The following VPS13A variants were observed in gnomAD, a reference collection of about 807,000 sequenced individuals.
The protein encoded by VPS13A is intermembrane lipid transfer protein VPS13A.
Under a neutral mutation model 390.9 loss-of-function variants are expected in VPS13A, and 264 were observed. The ratio of observed to expected loss-of-function variants is 0.68; its 90% CI spans 0.61 to 0.75. The LOEUF (loss-of-function observed/expected upper bound fraction) is 0.75. Among genes scored for constraint, VPS13A ranks in the 30% least tolerant of loss-of-function variants. VPS13A has a pLI of 0.00. For missense variants in VPS13A, 3,409 were observed against 3,733.9 expected (o/e 0.91, Z 2.27); for synonymous variants, 1,231 against 1,227.1 (o/e 1.00, Z -0.07).
At chr9:77,271,944 G>A (rs942750918) in intron 23 of VPS13A, among the ~76,000 whole-genome samples, 4 of 152,142 alleles carry the variant, frequency 2.6e-5, no homozygotes, top group Non-Finnish European at 1.5e-5. Context: ...TGCTTGTAAT[G>A]TTTCATACTG....
At chr9:77,180,815 C>CT (rs1250813698) in intron 1 of VPS13A, among the ~76,000 whole-genome samples, 1 of 152,200 alleles carries the variant, frequency 6.6e-6, no homozygotes, top group Non-Finnish European at 1.5e-5. Flanking sequence ...GTCTTGATAA[C>CT]TGTGTCTTTG....
intron 71 of VPS13A, among the ~76,000 whole-genome samples, chr9:77,409,707 A>AGATGAAATG (rs1834821867): frequency 6.6e-6 from 1 of 151,200 alleles, no homozygotes; most frequent in South Asian, 2.1e-4. Flanking sequence ...CAGTGATGGA[A>AGATGAAATG]GATGAAATGA....
At chr9:77,237,540 T>A (rs374301531) in intron 17 of VPS13A, among the ~76,000 whole-genome samples, 1 of 152,050 alleles carries the variant, frequency 6.6e-6, no homozygotes, top group African/African-American at 2.4e-5. Flanking sequence ...AACTTTTGTA[T>A]TTTTAGTTGA....
chr9:77,394,125 T>C (rs1834021272), intron 68 of VPS13A, among the ~76,000 whole-genome samples: 1 of 152,118 alleles, frequency 6.6e-6, no homozygotes, highest in African/African-American at 2.4e-5. Context: ...AGTGCAGTGA[T>C]ATGGCCTTGG....
chr9:77,224,881 C>A (rs1823419658), intron 13 of VPS13A, among the ~76,000 whole-genome samples: 3 of 152,164 alleles, frequency 2.0e-5, no homozygotes, highest in Admixed American at 2.0e-4. Flanking sequence ...TGGCAAACTT[C>A]AGTTAAGAGA....
At position 77,238,198 on chromosome 9, in the gene VPS13A, A is replaced by AT; in HGVS notation, c.1785+14dup. 1 of 1,611,284 alleles carries AT rather than the reference A, an allele frequency of 6.2e-7. No individual in the cohort carries two copies. The highest frequency in any genetic ancestry group is 8.5e-7 in the Non-Finnish European group (1 of 1,177,698). ...AGAAATCATATATGATGCAGTAAGCATTTTTTTAAATTACTAAGTTTTAAT... is the reference window on the plus strand; with the variant it reads ...AGAAATCATATATGATGCAGTAAGCATTTTTTTTAAATTACTAAGTTTTAAT... On this transcript the variant is annotated splice_region_variant and intron_variant, in intron 18 of 71. Transcript: ENST00000360280.
intron 23 of VPS13A, among the ~76,000 whole-genome samples, chr9:77,266,632 A>C (rs1276378805): frequency 6.6e-6 from 1 of 151,780 alleles, no homozygotes; most frequent in Non-Finnish European, 1.5e-5. Context: ...TCTGACGATT[A>C]TGTGTCTTGG....
At chr9:77,310,222 C>T (rs943157456) in intron 35 of VPS13A, among the ~76,000 whole-genome samples, 2 of 151,894 alleles carry the variant, frequency 1.3e-5, no homozygotes, top group Non-Finnish European at 2.9e-5. Context: ...GTTAAAAAAA[C>T]CTAGGCCTAC....
chr9:77,365,787 C>A (rs1352947747), intron 60 of VPS13A, among the ~76,000 whole-genome samples: 1 of 151,756 alleles, frequency 6.6e-6, no homozygotes, highest in Non-Finnish European at 1.5e-5. Flanking sequence ...ATAATTTGAC[C>A]TAACATTATT....
At chr9:77,273,189 A>G in intron 23 of VPS13A, 91 bp from the exon 24 acceptor site, 1 of 1,014,430 alleles carries the variant, frequency 9.9e-7, no homozygotes, top group East Asian at 2.6e-5. Flanking sequence ...CTTTTTGTCA[A>G]AACTGTTGTA....
At chr9:77,327,786 A>AAAT (rs1456578363) in intron 45 of VPS13A, among the ~76,000 whole-genome samples, 1 of 152,146 alleles carries the variant, frequency 6.6e-6, no homozygotes, top group African/African-American at 2.4e-5. Flanking sequence ...TTCTAATTCT[A>AAAT]GTTCTCTTGC....
At chr9:77,352,456 A>G (rs1055077479) in intron 53 of VPS13A, among the ~76,000 whole-genome samples, 4 of 152,108 alleles carry the variant, frequency 2.6e-5, no homozygotes, top group East Asian at 1.9e-4. Context: ...AGGATTGCCT[A>G]TAAGTGGCCT....
chr9:77,186,268 A>G (rs1400014607), intron 1 of VPS13A, among the ~76,000 whole-genome samples: 2 of 152,216 alleles, frequency 1.3e-5, no homozygotes, highest in Non-Finnish European at 2.9e-5. Flanking sequence ...TATAAGCTGT[A>G]ATAATCCAAT....
intron 17 of VPS13A, among the ~76,000 whole-genome samples, chr9:77,229,786 T>C (rs959486433): frequency 1.3e-5 from 2 of 152,182 alleles, no homozygotes; most frequent in Admixed American, 6.5e-5. Context: ...GGTAGACACC[T>C]GGGGTGGAAT....
intron 17 of VPS13A, among the ~76,000 whole-genome samples, chr9:77,230,600 T>A (rs965628151): frequency 6.6e-6 from 1 of 152,144 alleles, no homozygotes; most frequent in Non-Finnish European, 1.5e-5. Flanking sequence ...TCTAGCCTTA[T>A]GCCAGTACCC....
At chr9:77,239,963 C>T (rs2131237088) in intron 19 of VPS13A, among the ~76,000 whole-genome samples, 1 of 151,352 alleles carries the variant, frequency 6.6e-6, no homozygotes, top group East Asian at 1.9e-4. Context: ...GACTTTAGTA[C>T]TCTTGAACTT....
At chr9:77,276,894 A>G (rs1197585652) in intron 26 of VPS13A, among the ~76,000 whole-genome samples, 1 of 152,224 alleles carries the variant, frequency 6.6e-6, no homozygotes, top group Non-Finnish European at 1.5e-5. Context: ...TCTATAATTC[A>G]GGATAATATA....
At chr9:77,378,326 C>G (rs1413369416) in intron 67 of VPS13A, among the ~76,000 whole-genome samples, 1 of 151,858 alleles carries the variant, frequency 6.6e-6, no homozygotes, top group East Asian at 1.9e-4. Context: ...AATTCACTCT[C>G]TTTACTTGGT....
rs553690072 is a variant in VPS13A, at chr9:77,226,200, G to C, written c.1224+212G>C. Among the ~76,000 whole-genome samples, 3 of 151,932 alleles carry C rather than the reference G, an allele frequency of 2.0e-5. No homozygotes were observed. In the South Asian group the frequency reaches 6.2e-4, roughly 32 times the overall value. ...GGAAAAAATCTTTCTAAATATTTGG[G>C]CTTTTCAAATATTCAGTTATGAAGG... is the stretch of plus-strand genomic sequence containing the variant. On this transcript the variant is annotated intron_variant, in intron 14 of 71. Transcript: ENST00000360280.
Sources: gnomAD v4.1 joint callset for allele counts (sites outside exome capture counted in the v4.1 genomes callset) on GRCh38, gnomAD v4.1.1 for gene constraint, MANE v1.5 for transcripts, NCBI Gene and HGNC (gene_info 2026-07-23, HGNC 2026-07-21) for gene names.